SOX5: variants seen among roughly 807,000 people sequenced by gnomAD.
The protein encoded by SOX5 is SRY-box transcription factor 5.
In SOX5, 9 loss-of-function variants were observed where a neutral mutation model predicts 92.0. That is an observed-to-expected ratio of 0.10 (90% CI 0.06 to 0.17). The LOEUF (loss-of-function observed/expected upper bound fraction) is 0.17, where lower values mean the gene tolerates loss of function less well. Among genes scored for constraint, SOX5 ranks in the 10% least tolerant of loss-of-function variants. The pLI is 1.00. For missense variants in SOX5, 642 were observed against 944.5 expected, an observed-to-expected ratio of 0.68 and a Z score of 4.20; for synonymous variants, 344 against 336.3, an observed-to-expected ratio of 1.02 and a Z score of -0.25.
At chr12:23,719,788 C>CA (rs33914230) in intron 6 of SOX5, among the ~76,000 whole-genome samples, 3,331 of 64,052 alleles carry the variant, frequency 0.052, 113 homozygotes, top group African/African-American at 0.083. Flanking sequence ...AGCTATTTAC[C>CA]AAAAAAAAAA....
At chr12:23,811,886 T>C (rs967895729) in intron 3 of SOX5, among the ~76,000 whole-genome samples, 7 of 152,192 alleles carry the variant, frequency 4.6e-5, no homozygotes, top group African/African-American at 1.7e-4. Context: ...AAACACTCAC[T>C]TTTTAAAAAA....
chr12:24,247,329 G>T (rs1939022480), intron 3 of SOX5, among the ~76,000 whole-genome samples: 1 of 152,142 alleles, frequency 6.6e-6, no homozygotes, highest in Non-Finnish European at 1.5e-5. Context: ...GGATAATAAA[G>T]AACCCTATCT....
chr12:23,757,782 G>T (rs1216406225), intron 3 of SOX5, among the ~76,000 whole-genome samples: 2 of 151,856 alleles, frequency 1.3e-5, no homozygotes, highest in African/African-American at 2.4e-5. Flanking sequence ...GCTATTGTCT[G>T]CAAAGTCCAT....
At chr12:24,399,461 G>A (rs1438528024) in intron 1 of SOX5, among the ~76,000 whole-genome samples, 1 of 152,130 alleles carries the variant, frequency 6.6e-6, no homozygotes, top group Non-Finnish European at 1.5e-5. Flanking sequence ...TTAATTTCAT[G>A]AAAAATATAA....
At chr12:23,960,502 TATATTTATATAC>T (rs1372741745) in intron 4 of SOX5, among the ~76,000 whole-genome samples, 2 of 124,830 alleles carry the variant, frequency 1.6e-5, no homozygotes, top group African/African-American at 5.5e-5. Flanking sequence ...TATATACATA[TATATTTATATAC>T]ATATATATAT....
intron 4 of SOX5, among the ~76,000 whole-genome samples, chr12:24,044,050 G>T (rs575419172): frequency 6.6e-6 from 1 of 152,104 alleles, no homozygotes; most frequent in Non-Finnish European, 1.5e-5. Flanking sequence ...CATCATTGTT[G>T]TTTTATAAAA....
intron 1 of SOX5, among the ~76,000 whole-genome samples, chr12:24,499,723 A>C (rs1016534077): frequency 6.6e-6 from 1 of 151,912 alleles, no homozygotes; most frequent in African/African-American, 2.4e-5. Context: ...TAACACTTTA[A>C]AGTCACTCTG....
At chr12:23,762,675 AAATGT>A (rs1365688583) in intron 3 of SOX5, 2 of 469,860 alleles carry the variant, frequency 4.3e-6, no homozygotes, top group African/African-American at 4.0e-5. Context: ...GTTTTTAGAA[AAATGT>A]AATGTAATAC....
intron 2 of SOX5, among the ~76,000 whole-genome samples, chr12:23,861,867 A>C (rs940258039): frequency 6.6e-6 from 1 of 152,200 alleles, no homozygotes; most frequent in Admixed American, 6.5e-5. Flanking sequence ...ATCAAACGGG[A>C]AAAATAATTA....
Position 23,532,489 on chromosome 12 carries a change from A to C in SOX5, c.*1730T>G, listed in dbSNP as rs773064315. On this transcript the variant is annotated 3_prime_UTR_variant, in exon 15 of 15. Transcript: ENST00000451604. ...TTGAAATGATTTTGCATTTATTTGT[A>C]CAGGCCCTACAACTGCCTTGGCATT... 13 of 152,268 alleles carry C rather than the reference A, an allele frequency of 8.5e-5. No homozygotes were observed. The highest frequency in any genetic ancestry group is 1.8e-4 in the Non-Finnish European group (12 of 68,064). 9.4% of individuals were successfully genotyped at this position (152,268 alleles called of 1,614,324 possible).
At chr12:23,740,577 T>G (rs2093758883) in intron 5 of SOX5, among the ~76,000 whole-genome samples, 1 of 152,194 alleles carries the variant, frequency 6.6e-6, no homozygotes, top group Non-Finnish European at 1.5e-5. Context: ...AATGTTCTCT[T>G]GACTCTCCAT....
chr12:23,589,221 A>G (rs1359788296), intron 9 of SOX5, among the ~76,000 whole-genome samples: 4 of 151,986 alleles, frequency 2.6e-5, no homozygotes, highest in Non-Finnish European at 4.4e-5. Context: ...AGCAGAGAAA[A>G]ATAACCTTAC....
At chr12:24,281,838 A>C (rs1945242052) in intron 2 of SOX5, among the ~76,000 whole-genome samples, 1 of 152,206 alleles carries the variant, frequency 6.6e-6, no homozygotes, top group African/African-American at 2.4e-5. Flanking sequence ...CTCTTGACAC[A>C]GAACAGCTAG....
chr12:23,703,024 T>G lies in SOX5; in HGVS notation c.810+31660A>C, dbSNP rs576296610. On this transcript the variant is annotated intron_variant, in intron 6 of 14. Transcript: ENST00000451604. ...TAAAGAGAACAAGATGGGCCCATAT[T>G]AAAACTTTTAATGACTTTAGTAAAA... Among the ~76,000 whole-genome samples, 187 of 152,144 alleles carry G rather than the reference T, an allele frequency of 1.2e-3. 1 individual carries two copies. Among genetic ancestry groups the G allele is most frequent in the Non-Finnish European group, 2.1e-3 (146 of 67,948 alleles).
intron 4 of SOX5, among the ~76,000 whole-genome samples, chr12:24,045,492 G>T (rs921578756): frequency 6.6e-6 from 1 of 152,042 alleles, no homozygotes; most frequent in East Asian, 1.9e-4. Context: ...AGAGGTGGGG[G>T]TCTTACTATG....
intron 4 of SOX5, among the ~76,000 whole-genome samples, chr12:24,047,132 G>T (rs1957120311): frequency 6.6e-6 from 1 of 152,148 alleles, no homozygotes; most frequent in South Asian, 2.1e-4. Flanking sequence ...AGACAGTAGG[G>T]TGACAATCAA....
chr12:23,652,751 C>T lies in SOX5; in HGVS notation c.932-11854G>A, dbSNP rs557356468. ...CATGAAGATCTTTTCCTTTAAACTCCTAGGTCTACATGTCTTTCTATTATA... is the reference window on the plus strand; with the variant it reads ...CATGAAGATCTTTTCCTTTAAACTCTTAGGTCTACATGTCTTTCTATTATA... On this transcript the variant is annotated intron_variant, in intron 7 of 14. Transcript: ENST00000451604. 5.3e-5 allele frequency among the ~76,000 whole-genome samples: 8 copies of T among 152,076 alleles called. No homozygotes were observed. The East Asian group carries it at 1.2e-3, about 22-fold the overall frequency.
chr12:24,560,159 A>G (rs1954192180), intron 1 of SOX5, among the ~76,000 whole-genome samples: 1 of 152,226 alleles, frequency 6.6e-6, no homozygotes, highest in African/African-American at 2.4e-5. Flanking sequence ...TTGTTAGAAG[A>G]GAGATCACTG....
intron 4 of SOX5, among the ~76,000 whole-genome samples, chr12:24,190,852 A>T (rs1022855054): frequency 2.6e-5 from 4 of 152,236 alleles, no homozygotes; most frequent in African/African-American, 9.6e-5. Flanking sequence ...TAACCTCTTT[A>T]TATGAATTAC....
Sources: allele counts gnomAD v4.1 joint callset (sites outside exome capture counted in the v4.1 genomes callset), GRCh38; gene constraint gnomAD v4.1.1; transcripts MANE v1.5; gene names NCBI Gene and HGNC (gene_info 2026-07-23, HGNC 2026-07-21).